The following ERC2 variants were observed in gnomAD, a reference collection of about 807,000 sequenced individuals.
ERC2 encodes the protein ERC protein 2.
ERC2 carries 42 observed loss-of-function variants against 114.8 expected under a neutral mutation model. The observed-to-expected ratio is 0.37, with a 90% CI of 0.29 to 0.47. The LOEUF (loss-of-function observed/expected upper bound fraction) is 0.47. Ranked by LOEUF, ERC2 falls within the 20% of genes least tolerant of loss-of-function variation. The pLI, the probability that ERC2 is intolerant of heterozygous loss-of-function variation, is 0.99. For synonymous variants in ERC2, 454 were observed against 425.5 expected (o/e 1.07, Z -0.82); for missense variants, 939 against 1,150.7 (o/e 0.82, Z 2.66).
chr3:56,154,658 C>A (rs2081598444), intron 4 of ERC2, among the ~76,000 whole-genome samples: 2 of 152,148 alleles, frequency 1.3e-5, no homozygotes, highest in Admixed American at 1.3e-4. Flanking sequence ...AGAGCTAAAT[C>A]TAAAGCAATC....
chr3:55,674,183 A>G (rs2061684236), intron 17 of ERC2, among the ~76,000 whole-genome samples: 2 of 152,168 alleles, frequency 1.3e-5, no homozygotes, highest in Non-Finnish European at 2.9e-5. Context: ...TGCCAAGTAA[A>G]TGATAACACC....
At chr3:55,603,358 T>C (rs928557264) in intron 17 of ERC2, among the ~76,000 whole-genome samples, 7 of 152,098 alleles carry the variant, frequency 4.6e-5, no homozygotes, top group African/African-American at 9.7e-5. Context: ...CGCAGCCGGG[T>C]GCGGTGGCTC....
intron 6 of ERC2, among the ~76,000 whole-genome samples, chr3:56,105,544 G>C (rs2078607939): frequency 6.6e-6 from 1 of 152,028 alleles, no homozygotes; most frequent in Admixed American, 6.6e-5. Context: ...TTGAACTCCT[G>C]GCCTCAAGCA....
chr3:55,619,704 T>C (rs1032668815), intron 17 of ERC2, among the ~76,000 whole-genome samples: 1 of 152,176 alleles, frequency 6.6e-6, no homozygotes, highest in Non-Finnish European at 1.5e-5. Flanking sequence ...AAATTTCATA[T>C]GTAAAGTGGA....
intron 14 of ERC2, among the ~76,000 whole-genome samples, chr3:55,762,593 C>T (rs147105912): frequency 2.1e-4 from 32 of 152,222 alleles, no homozygotes; most frequent in African/African-American, 6.5e-4. Context: ...TTAGTTGGGT[C>T]AAGCAAACCC....
chr3:55,882,082 CG>C (rs1430781905), intron 14 of ERC2, among the ~76,000 whole-genome samples: 1 of 152,172 alleles, frequency 6.6e-6, no homozygotes, highest in Non-Finnish European at 1.5e-5. Flanking sequence ...AATGGGAAAA[CG>C]GTGTTTGGGT....
chr3:55,603,148 A>G (rs1366393889), intron 17 of ERC2, among the ~76,000 whole-genome samples: 1 of 152,154 alleles, frequency 6.6e-6, no homozygotes, highest in Non-Finnish European at 1.5e-5. Context: ...TACCTCCATG[A>G]CTTCTCTGTT....
chr3:56,206,943 TATA>T (rs572715010), intron 3 of ERC2, among the ~76,000 whole-genome samples: 10 of 152,346 alleles, frequency 6.6e-5, no homozygotes, highest in Non-Finnish European at 1.2e-4. Flanking sequence ...CACTGCAATA[TATA>T]ATTTCTCCCA....
chr3:56,412,854 T>G (rs141143517), intron 2 of ERC2, among the ~76,000 whole-genome samples: 211 of 152,320 alleles, frequency 1.4e-3, no homozygotes, highest in African/African-American at 4.6e-3. Flanking sequence ...TAATTATAGA[T>G]AAAGGTTAAA....
intron 15 of ERC2, among the ~76,000 whole-genome samples, chr3:55,729,540 T>C (rs1288568867): frequency 6.6e-6 from 1 of 152,062 alleles, no homozygotes; most frequent in Admixed American, 6.6e-5. Context: ...TCTCCCCCTA[T>C]TAAAAAGTAA....
chr3:56,180,192 C>A (rs879357511), intron 3 of ERC2, among the ~76,000 whole-genome samples: 13 of 152,182 alleles, frequency 8.5e-5, no homozygotes, highest in Admixed American at 2.0e-4. Context: ...TGGACTTAGT[C>A]AAGGTCATTA....
At chr3:55,956,962 C>G (rs1488434532) in intron 12 of ERC2, among the ~76,000 whole-genome samples, 9 of 151,964 alleles carry the variant, frequency 5.9e-5, no homozygotes, top group Non-Finnish European at 1.3e-4. Context: ...CACAAGGGCC[C>G]AGAGACAAAG....
Position 56,403,441 on chromosome 3 carries a change from G to A in ERC2, c.657+30910C>T, listed in dbSNP as rs192203094. Among the ~76,000 whole-genome samples the A allele has an allele frequency of 6.6e-5, 10 of 152,266 alleles. No individual in the cohort carries two copies. The East Asian group carries it at 1.4e-3, about 21-fold the overall frequency. ...TTTCCAGTGCTCAATAGCCAGAAGC[G>A]GCAGGTGGTTACCACATGGGACAAT... On this transcript the variant is annotated intron_variant, in intron 2 of 17. Transcript: ENST00000288221.
intron 17 of ERC2, among the ~76,000 whole-genome samples, chr3:55,588,277 GC>G (rs2057697782): frequency 6.6e-6 from 1 of 151,810 alleles, no homozygotes; most frequent in South Asian, 2.1e-4. Flanking sequence ...CCTCCTTCCA[GC>G]CCCAACCCCT....
intron 7 of ERC2, among the ~76,000 whole-genome samples, chr3:56,048,294 G>A (rs561401787): frequency 8.5e-5 from 13 of 152,242 alleles, no homozygotes; most frequent in African/African-American, 2.2e-4. Flanking sequence ...TTGAATCTGC[G>A]TAACAAGTCT....
chr3:56,377,922 G>A (rs2059606844), intron 2 of ERC2, among the ~76,000 whole-genome samples: 1 of 151,642 alleles, frequency 6.6e-6, no homozygotes, highest in South Asian at 2.1e-4. Context: ...AAGCAATATT[G>A]CCCCAAAATG....
intron 14 of ERC2, among the ~76,000 whole-genome samples, chr3:55,885,622 C>T (rs1248507446): frequency 6.6e-6 from 1 of 152,086 alleles, no homozygotes; most frequent in Non-Finnish European, 1.5e-5. Flanking sequence ...CTATCTGAAA[C>T]CATGAAGTTA....
At chr3:56,026,135 G>A (rs866731644) in intron 7 of ERC2, among the ~76,000 whole-genome samples, 1 of 140,132 alleles carries the variant, frequency 7.1e-6, no homozygotes, top group African/African-American at 2.7e-5. Flanking sequence ...GCATGATCTC[G>A]GCCTCCCGGG....
intron 14 of ERC2, among the ~76,000 whole-genome samples, chr3:55,864,144 TATATATATATACAC>T (rs1381084403): frequency 1.4e-4 from 16 of 116,486 alleles, no homozygotes; most frequent in African/African-American, 5.2e-4. Context: ...TATATACATA[TATATATATATACAC>T]ATATATATAC....
Sources: allele counts gnomAD v4.1 joint callset (sites outside exome capture counted in the v4.1 genomes callset), GRCh38; gene constraint gnomAD v4.1.1; transcripts MANE v1.5; gene names NCBI Gene and HGNC (gene_info 2026-07-23, HGNC 2026-07-21).